The following UGT1A7 variants were observed in gnomAD, a reference collection of about 807,000 sequenced individuals.
UGT1A7 encodes the protein UDP-glucuronosyltransferase 1A7.
UGT1A7 carries 33 observed loss-of-function variants against 45.6 expected under a neutral mutation model. That is an observed-to-expected ratio of 0.72 (90% CI 0.55 to 0.97). The LOEUF is 0.97. UGT1A7 is among the 50% of genes least tolerant of loss of function. The pLI, the probability that UGT1A7 is intolerant of heterozygous loss-of-function variation, is 0.00. For missense variants in UGT1A7, 684 were observed against 666.2 expected (o/e 1.03, Z -0.29); for synonymous variants, 274 against 250.6 (o/e 1.09, Z -0.88).
chr2:233,754,737 G>T, intron 1 of UGT1A7: 1 of 665,248 alleles, frequency 1.5e-6, no homozygotes, highest in Non-Finnish European at 2.5e-6. Flanking sequence ...ACTACCGTAG[G>T]ACATGCAGAA....
At chr2:233,706,881 C>A (rs2075928879) in intron 1 of UGT1A7, among the ~76,000 whole-genome samples, 1 of 152,226 alleles carries the variant, frequency 6.6e-6, no homozygotes, top group Admixed American at 6.5e-5. Context: ...CACTTCCCAG[C>A]TCTGGTTGGA....
chr2:233,768,055 T>C, intron 3 of UGT1A7, 119 bp downstream of exon 3: 1 of 1,603,392 alleles, frequency 6.2e-7, no homozygotes, highest in Non-Finnish European at 8.5e-7. Context: ...ATATCCTACA[T>C]TGCTTTTTAT....
chr2:233,744,127 T>G, intron 1 of UGT1A7: 2 of 357,210 alleles, frequency 5.6e-6, no homozygotes, highest in South Asian at 4.6e-5. Context: ...TGAGGCTCTG[T>G]GAGGCCCTGT....
At chr2:233,699,780 G>A (rs2075523422) in intron 1 of UGT1A7, among the ~76,000 whole-genome samples, 1 of 152,284 alleles carries the variant, frequency 6.6e-6, no homozygotes, top group South Asian at 2.1e-4. Flanking sequence ...CTGTTCCCAA[G>A]TTTCCTCCTC....
chr2:233,729,702 C>T, intron 1 of UGT1A7: 4 of 1,613,950 alleles, frequency 2.5e-6, no homozygotes, highest in Non-Finnish European at 3.4e-6. Context: ...ACCCTTCCTC[C>T]TATATTCCTA....
chr2:233,768,499 A>G (rs528932470), intron 4 of UGT1A7, 60 bp downstream of exon 4: 7 of 1,570,454 alleles, frequency 4.5e-6, no homozygotes, highest in Non-Finnish European at 6.1e-6. Flanking sequence ...AATTGTTTCA[A>G]ATATGAAAAC....
chr2:233,718,680 G>A (rs2076674900), intron 1 of UGT1A7: 2 of 1,570,166 alleles, frequency 1.3e-6, no homozygotes, highest in Non-Finnish European at 1.7e-6. Flanking sequence ...TGGGTAATAA[G>A]TAACTGGAGG....
intron 1 of UGT1A7, among the ~76,000 whole-genome samples, chr2:233,737,902 T>C (rs1690626433): frequency 6.6e-6 from 1 of 152,134 alleles, no homozygotes; most frequent in Non-Finnish European, 1.5e-5. Flanking sequence ...TCGAGTGTGG[T>C]AAAGAACAGG....
rs141296723 is a variant in UGT1A7, at chr2:233,682,649, C to T, written c.712C>T (p.Pro238Ser). The T allele has an allele frequency of 3.8e-5, 62 of 1,613,882 alleles. No individual in the cohort carries two copies. In the African/African-American group the frequency reaches 7.2e-4, roughly 19 times the overall value. Residue 238 changes from proline (P) to serine (S), a missense_variant, in exon 1 of 5, where the codon CCT becomes TCT. Pro to Ser is a moderately conservative substitution (Grantham distance 74, BLOSUM62 -1). Coordinates refer to ENST00000373426, the MANE Select transcript of UGT1A7 (RefSeq NM_019077.3). ...LEIASEILQT[P>S]VTAYDLYSHT... ...AATAGCCTCTGAAATTCTCCAAACCCCTGTCACGGCATATGATCTCTACAG... is the reference window on the plus strand; with the variant it reads ...AATAGCCTCTGAAATTCTCCAAACCTCTGTCACGGCATATGATCTCTACAG...
At chr2:233,697,377 A>G (rs556619948) in intron 1 of UGT1A7, among the ~76,000 whole-genome samples, 1 of 152,202 alleles carries the variant, frequency 6.6e-6, no homozygotes, top group East Asian at 1.9e-4. Context: ...AGAGTTCACA[A>G]TAATCGCTAA....
In UGT1A7 at chr2:233,747,491, G is replaced by C. The variant is rs1270962387; in HGVS notation, c.856-19543G>C. 1.3e-5 allele frequency: 21 copies of C among 1,608,968 alleles called. No individual in the cohort carries two copies. The East Asian group carries it at 2.7e-4, about 20-fold the overall frequency. On this transcript the variant is annotated intron_variant, in intron 1 of 4. Transcript: ENST00000373426. The stretch of plus-strand genomic sequence containing the variant: ...CCCAGGATGAATTTGATCGCCTTGT[G>C]CTGGGCCACACTCAACTGTACTTTG...
At chr2:233,757,535 A>AATATATATATATATATATATATATATAT (rs67292694) in intron 1 of UGT1A7, among the ~76,000 whole-genome samples, 42 of 88,242 alleles carry the variant, frequency 4.8e-4, no homozygotes, top group East Asian at 2.0e-3. Context: ...GCCTGTAAGG[A>AATATATATATATATATATATATATATAT]ATATATATAT....
At chr2:233,754,968 C>T in intron 1 of UGT1A7, 3 of 1,303,126 alleles carry the variant, frequency 2.3e-6, no homozygotes, top group Non-Finnish European at 2.1e-6. Context: ...AAAGAACTCC[C>T]TGAAGACCTC....
At chr2:233,692,578 G>C (rs12476197) in intron 1 of UGT1A7, among the ~76,000 whole-genome samples, 27,719 of 152,194 alleles carry the variant, frequency 0.18, 2,750 homozygotes, top group Non-Finnish European at 0.23. Context: ...GCTGGTGTTA[G>C]AGAATAGGTC....
chr2:233,726,439 C>G (rs2077532269), intron 1 of UGT1A7, among the ~76,000 whole-genome samples: 1 of 152,184 alleles, frequency 6.6e-6, no homozygotes, highest in African/African-American at 2.4e-5. Context: ...TAATCTTATT[C>G]TTTCCACTGA....
rs766652612 is a variant in UGT1A7 at position 233,682,141 on chromosome 2, A to T, written c.204A>T (p.Arg68Ser). 1.9e-6 allele frequency: 3 copies of T among 1,614,192 alleles called. No homozygotes were observed. Among genetic ancestry groups the T allele is most frequent in the African/African-American group, 1.3e-5 (1 of 75,050 alleles). Residue 68 changes from arginine (R) to serine (S), a missense_variant, in exon 1 of 5, where the codon AGA (arginine) becomes AGT (serine). Physicochemically the swap from Arg to Ser is moderately radical, Grantham distance 110. Coordinates refer to ENST00000373426, the MANE Select transcript of UGT1A7 (RefSeq NM_019077.3). ...VMPEVSWQLG[R>S]SLNCTVKTYS... ...CAGAGGTGAGTTGGCAACTGGGAAG[A>T]TCACTGAATTGCACAGTGAAGACTT...
chr2:233,713,654 C>G (rs772649489), intron 1 of UGT1A7: 39 of 1,613,850 alleles, frequency 2.4e-5, no homozygotes, highest in African/African-American at 6.7e-5. Context: ...TGGCCCTGTC[C>G]TACCTTTGCC....
intron 1 of UGT1A7, among the ~76,000 whole-genome samples, chr2:233,697,120 C>T (rs948717146): frequency 1.2e-4 from 18 of 151,966 alleles, no homozygotes; most frequent in Non-Finnish European, 2.5e-4. Flanking sequence ...ATTCTCTCCT[C>T]TTCATTTTTC....
intron 1 of UGT1A7, among the ~76,000 whole-genome samples, chr2:233,715,522 A>G (rs1320173957): frequency 1.3e-5 from 2 of 152,172 alleles, no homozygotes; most frequent in Admixed American, 6.5e-5. Context: ...CTGTAATTTC[A>G]GCCCTTTGGG....
Sources: gnomAD v4.1 joint callset for allele counts (sites outside exome capture counted in the v4.1 genomes callset) on GRCh38, gnomAD v4.1.1 for gene constraint, MANE v1.5 for transcripts, NCBI Gene and HGNC (gene_info 2026-07-23, HGNC 2026-07-21) for gene names.